Variants in ASH2L observed in about 807,000 individuals in gnomAD.
ASH2L encodes ASH2 like, histone lysine methyltransferase complex subunit.
A neutral mutation model predicts 81.1 loss-of-function variants in ASH2L; 30 were observed. That is an observed-to-expected ratio of 0.37 (90% CI 0.28 to 0.50). The LOEUF (loss-of-function observed/expected upper bound fraction) is 0.50. Among genes scored for constraint, ASH2L ranks in the 20% least tolerant of loss-of-function variants. The pLI is 0.95. For missense variants in ASH2L, 559 were observed against 792.1 expected (o/e 0.71, Z 3.53); for synonymous variants, 273 against 279.9 (o/e 0.98, Z 0.24).
Position 38,119,255 on chromosome 8 carries a change from G to T in ASH2L, c.854-15G>T. ...CCTTGTGGCTCATTGAAAGCAATCTGCCTTCTCTTCAAAGGGGGAATTGCA... is the reference window on the plus strand; with the variant it reads ...CCTTGTGGCTCATTGAAAGCAATCTTCCTTCTCTTCAAAGGGGGAATTGCA... On this transcript the variant is annotated splice_polypyrimidine_tract_variant and intron_variant, in intron 8 of 15. Transcript: ENST00000343823. The T allele has an allele frequency of 6.5e-7, 1 of 1,549,072 alleles. No individual in the cohort carries two copies. The highest frequency in any genetic ancestry group is 1.4e-5 in the African/African-American group (1 of 72,952).
At chr8:38,134,472 T>G (rs887524979) in intron 13 of ASH2L, among the ~76,000 whole-genome samples, 2 of 152,170 alleles carry the variant, frequency 1.3e-5, no homozygotes, top group African/African-American at 2.4e-5. Context: ...CCAGGGGCAC[T>G]AGGAGCTGTA....
chr8:38,107,908 A>G (rs201184497), intron 3 of ASH2L, among the ~76,000 whole-genome samples: 16 of 137,254 alleles, frequency 1.2e-4, no homozygotes, highest in East Asian at 4.2e-4. Flanking sequence ...GTGTGTGTAT[A>G]TGTATATATA....
intron 14 of ASH2L, 25 bp downstream of exon 14, chr8:38,135,791 A>T (rs1446165745): frequency 1.9e-5 from 30 of 1,548,384 alleles, no homozygotes; most frequent in Non-Finnish European, 2.6e-5. Flanking sequence ...CCATCCCATG[A>T]GCAAAACTTG....
At chr8:38,136,756 A>G (rs1374136202) in intron 14 of ASH2L, among the ~76,000 whole-genome samples, 2 of 150,364 alleles carry the variant, frequency 1.3e-5, no homozygotes, top group South Asian at 2.1e-4. Context: ...CTGGGTGACA[A>G]AACGAGACTC....
rs181132317 is a variant in ASH2L, at chr8:38,118,304, G to A, written c.854-966G>A. 3.9e-5 allele frequency among the ~76,000 whole-genome samples: 6 copies of A among 152,294 alleles called. No homozygotes were observed. In the East Asian group the frequency reaches 7.7e-4, roughly 20 times the overall value. ...CAAGCTTGCCCCAAATTAAGATTTA[G>A]TACTCTGCAGTTGTTTACGTAAAGG... is the stretch of plus-strand genomic sequence containing the variant. On this transcript the variant is annotated intron_variant, in intron 8 of 15. Transcript: ENST00000343823.
At chr8:38,126,625 C>A (rs1801854641) in intron 10 of ASH2L, among the ~76,000 whole-genome samples, 1 of 151,212 alleles carries the variant, frequency 6.6e-6, no homozygotes, top group African/African-American at 2.4e-5. Flanking sequence ...GAGGCCGAGG[C>A]AGGCGGATCA....
rs567331976 is a variant in ASH2L, at chr8:38,136,648, G to C, written c.1719+882G>C. On this transcript the variant is annotated intron_variant, in intron 14 of 15. Transcript: ENST00000343823. ...AAATTAGCTGGGCTTGGTGGCACATGCCTGTAATTCCAGCTACTCAGGAGG... is the reference window on the plus strand; with the variant it reads ...AAATTAGCTGGGCTTGGTGGCACATCCCTGTAATTCCAGCTACTCAGGAGG... Among the ~76,000 whole-genome samples, 12 of 151,694 alleles carry C rather than the reference G, an allele frequency of 7.9e-5. No individual in the cohort carries two copies. In the East Asian group the frequency reaches 2.3e-3, roughly 30 times the overall value.
chr8:38,132,082 C>T (rs762216635), intron 12 of ASH2L, among the ~76,000 whole-genome samples: 3 of 152,116 alleles, frequency 2.0e-5, no homozygotes, highest in Non-Finnish European at 2.9e-5. Context: ...TTCCTGGCCT[C>T]GTGATCTGCC....
At chr8:38,111,687 A>G (rs954451191) in intron 5 of ASH2L, among the ~76,000 whole-genome samples, 2 of 152,006 alleles carry the variant, frequency 1.3e-5, no homozygotes, top group African/African-American at 4.8e-5. Flanking sequence ...CACCCGGCCC[A>G]TTTCTTCTTA....
Position 38,107,180 on chromosome 8 carries a change from A to G in ASH2L, c.401+14A>G, listed in dbSNP as rs1263681733. 1.9e-6 allele frequency: 3 copies of G among 1,612,598 alleles called. No homozygotes were observed. The highest frequency in any genetic ancestry group is 2.2e-5 in the South Asian group (2 of 91,078). ...CATAGATACCTCGTGAGTACTTTTC[A>G]TAGTTTTTGTGAGAATTGCTCGGTA... is the stretch of plus-strand genomic sequence containing the variant. On this transcript the variant is annotated intron_variant, in intron 3 of 15. Coordinates refer to ENST00000343823, the MANE Select transcript of ASH2L (RefSeq NM_004674.5).
At chr8:38,118,733 A>T (rs977079170) in intron 8 of ASH2L, among the ~76,000 whole-genome samples, 25 of 152,216 alleles carry the variant, frequency 1.6e-4, no homozygotes, top group Middle Eastern at 3.4e-3. Flanking sequence ...TCCATGTTGG[A>T]TGTATTTTGT....
intron 10 of ASH2L, among the ~76,000 whole-genome samples, chr8:38,121,952 A>C (rs1180086146): frequency 6.6e-6 from 1 of 152,200 alleles, no homozygotes; most frequent in African/African-American, 2.4e-5. Context: ...ATCTATGCAA[A>C]TATCTTGTTT....
chr8:38,113,967 G>T (rs901837931), intron 5 of ASH2L, among the ~76,000 whole-genome samples: 1 of 152,170 alleles, frequency 6.6e-6, no homozygotes, highest in African/African-American at 2.4e-5. Flanking sequence ...GCTAAGGTTT[G>T]TTTATACTTG....
intron 12 of ASH2L, among the ~76,000 whole-genome samples, chr8:38,129,407 G>A (rs1264782882): frequency 2.0e-5 from 3 of 152,236 alleles, no homozygotes; most frequent in East Asian, 3.9e-4. Flanking sequence ...AAGCTGGGAG[G>A]ACTGCTTGAG....
chr8:38,110,104 G>C (rs911022467), intron 3 of ASH2L, among the ~76,000 whole-genome samples: 2 of 152,134 alleles, frequency 1.3e-5, no homozygotes, highest in African/African-American at 2.4e-5. Flanking sequence ...TTCTCATAAA[G>C]AGGCGTACAG....
At position 38,128,887 on chromosome 8, in the gene ASH2L, T is replaced by C; in HGVS notation, c.1463T>C (p.Phe488Ser). The change falls in exon 12 of 16, where the codon TTT becomes TCT. Residue 488 changes from phenylalanine to serine, a missense_variant. This residue lies in a region of ASH2L where 318 missense variants were observed against 527.0 expected (regional missense o/e 0.60). Coordinates refer to ENST00000343823, the MANE Select transcript of ASH2L (RefSeq NM_004674.5). Reference protein sequence around the residue: ...SGYGQGDVLGFYINLPEDTET... With the variant: ...SGYGQGDVLGSYINLPEDTET... The stretch of plus-strand genomic sequence containing the variant: ...TATGGACAGGGAGACGTCCTGGGAT[T>C]TTATATTAATCTTCCTGAAGACACA... 1 of 1,614,120 alleles carries C rather than the reference T, an allele frequency of 6.2e-7. No homozygotes were observed. The highest frequency in any genetic ancestry group is 8.5e-7 in the Non-Finnish European group (1 of 1,180,008).
At chr8:38,134,193 G>A (rs539890338) in intron 13 of ASH2L, among the ~76,000 whole-genome samples, 3 of 152,118 alleles carry the variant, frequency 2.0e-5, no homozygotes, top group African/African-American at 4.8e-5. Flanking sequence ...GCGGAAGGCC[G>A]CAGGGTCCTC....
chr8:38,107,866 A>ATGTG (rs1276322577), intron 3 of ASH2L, among the ~76,000 whole-genome samples: 99 of 106,038 alleles, frequency 9.3e-4, no homozygotes, highest in African/African-American at 3.0e-3. Context: ...AGAAATACAT[A>ATGTG]TATGTGTGTG....
At chr8:38,124,502 C>T (rs1302590049) in intron 10 of ASH2L, 1 of 151,760 alleles carries the variant, frequency 6.6e-6, no homozygotes, top group African/African-American at 2.4e-5. Flanking sequence ...TGGGCCATTG[C>T]ATCTGGCCTC....
Sources: allele counts gnomAD v4.1 joint callset (sites outside exome capture counted in the v4.1 genomes callset), GRCh38; gene constraint gnomAD v4.1.1; regional missense constraint gnomAD v4.1.1; transcripts MANE v1.5; gene names NCBI Gene and HGNC (gene_info 2026-07-23, HGNC 2026-07-21).